The following SYT10 variants were observed in gnomAD, a reference collection of about 807,000 sequenced individuals.
SYT10 encodes the protein synaptotagmin 10, also known as synaptotagmin-10.
Under a neutral mutation model 51.1 loss-of-function variants are expected in SYT10, and 31 were observed. That is an observed-to-expected ratio of 0.61 (90% CI 0.46 to 0.82). SYT10 has a LOEUF of 0.82. SYT10 is among the 40% of genes least tolerant of loss of function. The pLI is 0.00. For synonymous variants in SYT10, 233 were observed against 225.9 expected (o/e 1.03, Z -0.28); for missense variants, 603 against 634.0 (o/e 0.95, Z 0.53).
intron 3 of SYT10, 80 bp from the exon 4 acceptor site, chr12:33,385,371 G>A: frequency 6.5e-7 from 1 of 1,529,376 alleles, no homozygotes; most frequent in Non-Finnish European, 8.8e-7. Flanking sequence ...TAGAATACTG[G>A]AATGTCATTT....
At position 33,375,937 on chromosome 12, in the gene SYT10, AC is replaced by A. The variant is rs1033363229; in HGVS notation, c.*892del. ...AGGATCTATATGATAGCTTCAAGTCACAAAAAATACACGTCACAAAAAAATA... is the reference window on the plus strand; with the variant it reads ...AGGATCTATATGATAGCTTCAAGTCAAAAAAATACACGTCACAAAAAAATA... On this transcript the variant is annotated 3_prime_UTR_variant, in exon 7 of 7. Transcript: ENST00000228567. The A allele has an allele frequency of 6.6e-6, 1 of 152,608 alleles. No individual in the cohort carries two copies. The allele number at this position is 152,608 out of a possible 1,614,324, so 9.5% of individuals were successfully genotyped here. A position where few individuals can be genotyped will look rare whatever the true frequency, so the allele number is the denominator to read the frequency against.
intron 3 of SYT10, among the ~76,000 whole-genome samples, chr12:33,393,387 T>A (rs1866227174): frequency 1.3e-5 from 2 of 152,196 alleles, no homozygotes; most frequent in Admixed American, 6.5e-5. Flanking sequence ...GATAGGGGCA[T>A]GAAAACCTGT....
chr12:33,428,979 A>T (rs1866575565), intron 1 of SYT10, among the ~76,000 whole-genome samples: 1 of 151,964 alleles, frequency 6.6e-6, no homozygotes, highest in Non-Finnish European at 1.5e-5. Context: ...TCAGGAAATT[A>T]TACCTAGGGA....
At chr12:33,417,000 G>A (rs1237609108) in intron 2 of SYT10, among the ~76,000 whole-genome samples, 1 of 152,096 alleles carries the variant, frequency 6.6e-6, no homozygotes, top group Non-Finnish European at 1.5e-5. Flanking sequence ...TGTGGTGGGA[G>A]CCTGTGGAAG....
intron 3 of SYT10, among the ~76,000 whole-genome samples, chr12:33,406,060 G>A (rs1866350379): frequency 6.6e-6 from 1 of 151,882 alleles, no homozygotes; most frequent in South Asian, 2.1e-4. Context: ...AATATGCATA[G>A]CAAAAAGTTG....
In SYT10 at chr12:33,376,793, C is replaced by G. The variant is rs1322748588; in HGVS notation, c.*37G>C. On this transcript the variant is annotated 3_prime_UTR_variant, in exon 7 of 7. Coordinates refer to ENST00000228567, the MANE Select transcript of SYT10 (RefSeq NM_198992.4). ...TTTTCTGATTCAATGAGCACGTGAT[C>G]CTAGATGCTTAATATCATGGTCTCA... is the stretch of plus-strand genomic sequence containing the variant. 6.2e-7 allele frequency: 1 copy of G among 1,611,110 alleles called. No homozygotes were observed. Among genetic ancestry groups the G allele is most frequent in the South Asian group, 1.1e-5 (1 of 90,958 alleles).
At chr12:33,389,603 A>G (rs976956034) in intron 3 of SYT10, among the ~76,000 whole-genome samples, 17 of 152,216 alleles carry the variant, frequency 1.1e-4, no homozygotes, top group Non-Finnish European at 2.2e-4. Flanking sequence ...GTTTGAATTC[A>G]GTGATATATT....
intron 2 of SYT10, among the ~76,000 whole-genome samples, chr12:33,414,016 A>C (rs1156911277): frequency 6.6e-6 from 1 of 152,154 alleles, no homozygotes; most frequent in Admixed American, 6.5e-5. Context: ...AAAACAAAAA[A>C]AGGCAGGGGT....
In SYT10 at chr12:33,385,244, C is replaced by A. The variant is rs11052670; in HGVS notation, c.1125G>T (p.Pro375=). Residue 375 remains proline (P), a synonymous_variant, in exon 4 of 7, where the codon CCG becomes CCT. Transcript: ENST00000228567. ...GEIMFSLCYL[P]TAGRMTLTVI... is the part of the protein sequence containing the mutation. ...CTGTCAATGTCATACGCCCAGCCGT[C>A]GGTAGGTAACAAAGGGAAAACATGA... 1.9e-5 allele frequency: 30 copies of A among 1,613,586 alleles called. 1 individual carries two copies. The Middle Eastern group carries it at 3.3e-3, about 178-fold the overall frequency.
intron 3 of SYT10, among the ~76,000 whole-genome samples, chr12:33,396,180 A>T (rs1866254411): frequency 6.6e-6 from 1 of 152,176 alleles, no homozygotes; most frequent in South Asian, 2.1e-4. Context: ...CTTCTGACCT[A>T]TTACAAATCT....
chr12:33,416,601 G>T (rs1269899453), intron 2 of SYT10, among the ~76,000 whole-genome samples: 1 of 152,028 alleles, frequency 6.6e-6, no homozygotes, highest in Admixed American at 6.6e-5. Flanking sequence ...TGGCCTCTAG[G>T]TTCAATGAAC....
intron 2 of SYT10, among the ~76,000 whole-genome samples, chr12:33,412,399 T>G (rs1314012407): frequency 6.6e-6 from 1 of 151,952 alleles, no homozygotes; most frequent in Non-Finnish European, 1.5e-5. Context: ...GATATTTTTT[T>G]TCTTCTGGCT....
intron 1 of SYT10, among the ~76,000 whole-genome samples, chr12:33,437,578 T>G (rs1295580973): frequency 6.6e-6 from 1 of 152,230 alleles, no homozygotes; most frequent in Non-Finnish European, 1.5e-5. Flanking sequence ...CTATTTGGTG[T>G]GTGATCACAA....
chr12:33,415,687 A>C (rs1022836996), intron 2 of SYT10, among the ~76,000 whole-genome samples: 1 of 152,202 alleles, frequency 6.6e-6, no homozygotes, highest in Non-Finnish European at 1.5e-5. Flanking sequence ...CATTTCATAA[A>C]GAGGCTTGAA....
At chr12:33,430,085 T>G (rs2138436567) in intron 1 of SYT10, among the ~76,000 whole-genome samples, 1 of 152,304 alleles carries the variant, frequency 6.6e-6, no homozygotes, top group Admixed American at 6.5e-5. Flanking sequence ...GCTAATGAAA[T>G]AAACAGAAAT....
chr12:33,410,631 C>A (rs950309014), intron 2 of SYT10, among the ~76,000 whole-genome samples: 1 of 152,116 alleles, frequency 6.6e-6, no homozygotes, highest in Non-Finnish European at 1.5e-5. Context: ...TGAAAGATCT[C>A]GTCCTCCACA....
At chr12:33,382,964 C>T (rs927895420) in intron 4 of SYT10, among the ~76,000 whole-genome samples, 1 of 152,074 alleles carries the variant, frequency 6.6e-6, no homozygotes, top group African/African-American at 2.4e-5. Context: ...TTAAAGATGG[C>T]CACACAAAAA....
chr12:33,397,839 C>A (rs941695421), intron 3 of SYT10, among the ~76,000 whole-genome samples: 1 of 151,972 alleles, frequency 6.6e-6, no homozygotes, highest in Non-Finnish European at 1.5e-5. Flanking sequence ...GCTTCCCAGG[C>A]AGAAACAGGG....
chr12:33,405,769 C>T (rs1037968280), intron 3 of SYT10: 4 of 151,254 alleles, frequency 2.6e-5, no homozygotes, highest in South Asian at 2.1e-4. Flanking sequence ...TTAAATGTCC[C>T]CATTTAAAAA....
Sources: allele counts gnomAD v4.1 joint callset (sites outside exome capture counted in the v4.1 genomes callset), GRCh38; gene constraint gnomAD v4.1.1; transcripts MANE v1.5; gene names NCBI Gene and HGNC (gene_info 2026-07-23, HGNC 2026-07-21).